Variants in CREM observed in about 807,000 individuals in gnomAD.
The protein encoded by CREM is cAMP responsive element modulator.
A neutral mutation model predicts 37.3 loss-of-function variants in CREM; 13 were observed. The ratio of observed to expected loss-of-function variants is 0.35; its 90% CI spans 0.23 to 0.55. CREM has a LOEUF of 0.55. Among genes scored for constraint, CREM ranks in the 20% least tolerant of loss-of-function variants. CREM has a pLI of 0.88. For synonymous variants in CREM, 124 were observed against 120.2 expected, an observed-to-expected ratio of 1.03 and a Z score of -0.21; for missense variants, 296 against 362.3, an observed-to-expected ratio of 0.82 and a Z score of 1.49.
chr10:35,209,313 C>T, intron 7 of CREM: 1 of 985,384 alleles, frequency 1.0e-6, no homozygotes, highest in Non-Finnish European at 1.2e-6. Context: ...TCTTTCCAGC[C>T]TTGTCAGAGT....
intron 2 of CREM, among the ~76,000 whole-genome samples, chr10:35,138,675 C>T (rs1343911594): frequency 2.0e-5 from 3 of 151,546 alleles, no homozygotes; most frequent in Non-Finnish European, 4.4e-5. Flanking sequence ...TACAGGGTGC[C>T]ACCATACCCG....
intron 3 of CREM, among the ~76,000 whole-genome samples, chr10:35,172,385 G>A (rs7919064): frequency 0.013 from 1,993 of 152,250 alleles, 51 homozygotes; most frequent in African/African-American, 0.046. Context: ...CATGAGGCTT[G>A]CTAGGTCAAA....
At position 35,211,799 on chromosome 10, in the gene CREM, A is replaced by G. The variant is rs955364253; in HGVS notation, c.*401A>G. The G allele has an allele frequency of 5.0e-6, 8 of 1,604,056 alleles. No individual in the cohort carries two copies. The highest frequency in any genetic ancestry group is 1.7e-5 in the Admixed American group (1 of 57,490). On this transcript the variant is annotated 3_prime_UTR_variant, in exon 8 of 8. Coordinates refer to ENST00000685392, the MANE Select transcript of CREM (RefSeq NM_183011.2). ...GACATTTGTTCTCCCAAAACAGATT[A>G]CTAGAAATATTTAACTATGAACTGA...
At chr10:35,186,970 ATATAT>A (rs2094593466) in intron 5 of CREM, among the ~76,000 whole-genome samples, 1 of 94,796 alleles carries the variant, frequency 1.1e-5, no homozygotes, top group African/African-American at 4.4e-5. Context: ...TATATAATTT[ATATAT>A]TATATGTGAT....
At chr10:35,138,794 A>G (rs1258522379) in intron 2 of CREM, among the ~76,000 whole-genome samples, 1 of 151,826 alleles carries the variant, frequency 6.6e-6, no homozygotes, top group Non-Finnish European at 1.5e-5. Context: ...AGGCCAAGGT[A>G]GGAGAATTGC....
intron 2 of CREM, among the ~76,000 whole-genome samples, chr10:35,142,949 C>A (rs1013486994): frequency 3.3e-5 from 5 of 151,888 alleles, no homozygotes; most frequent in African/African-American, 1.2e-4. Flanking sequence ...CAGTATTGTT[C>A]ATCTGCCTTG....
intron 3 of CREM, among the ~76,000 whole-genome samples, chr10:35,153,834 A>G (rs931511792): frequency 6.6e-5 from 10 of 152,184 alleles, no homozygotes; most frequent in Non-Finnish European, 1.5e-5. Flanking sequence ...CTGCCTCGAG[A>G]GAATTAGTTC....
At chr10:35,183,796 C>T (rs1254915534) in intron 5 of CREM, among the ~76,000 whole-genome samples, 3 of 152,142 alleles carry the variant, frequency 2.0e-5, no homozygotes, top group Admixed American at 6.5e-5. Context: ...TAACATGGGC[C>T]GGGCGTGATG....
chr10:35,197,259 CTT>C (rs1361630199), intron 6 of CREM, among the ~76,000 whole-genome samples: 1 of 151,960 alleles, frequency 6.6e-6, no homozygotes, highest in Non-Finnish European at 1.5e-5. Flanking sequence ...CCAATTTAAA[CTT>C]TTCAAAATGC....
intron 6 of CREM, among the ~76,000 whole-genome samples, chr10:35,190,628 G>GTAATAA (rs527368942): frequency 2.0e-5 from 3 of 151,882 alleles, no homozygotes; most frequent in South Asian, 4.2e-4. Context: ...AATAGTAGTA[G>GTAATAA]TAATAATAAT....
chr10:35,141,676 A>T (rs2091451047), intron 2 of CREM, among the ~76,000 whole-genome samples: 1 of 152,162 alleles, frequency 6.6e-6, no homozygotes, highest in Non-Finnish European at 1.5e-5. Flanking sequence ...GGATTTTGGA[A>T]TTGAGAAGAG....
intron 7 of CREM, among the ~76,000 whole-genome samples, chr10:35,207,347 T>G (rs899182740): frequency 2.2e-4 from 33 of 151,904 alleles, no homozygotes; most frequent in African/African-American, 8.0e-4. Context: ...TGAGCCAAGA[T>G]CGTGCCACTG....
chr10:35,174,719 G>T (rs935863800), intron 3 of CREM, among the ~76,000 whole-genome samples: 1 of 152,142 alleles, frequency 6.6e-6, no homozygotes, highest in Non-Finnish European at 1.5e-5. Flanking sequence ...GTAAAATGAG[G>T]CAAAGTTTCT....
chr10:35,160,899 TCATATCCTGTCC>T (rs138580855), intron 3 of CREM, among the ~76,000 whole-genome samples: 389 of 152,332 alleles, frequency 2.6e-3, no homozygotes, highest in African/African-American at 9.0e-3. Flanking sequence ...TCTTCCACCT[TCATATCCTGTCC>T]CATTGGAAGG....
chr10:35,139,445 T>G (rs1237419042), intron 2 of CREM, among the ~76,000 whole-genome samples: 1 of 152,188 alleles, frequency 6.6e-6, no homozygotes, highest in Non-Finnish European at 1.5e-5. Flanking sequence ...TTTTACCTGT[T>G]TTTTAGAATT....
chr10:35,190,762 C>T (rs1321836328), intron 6 of CREM, among the ~76,000 whole-genome samples: 4 of 152,138 alleles, frequency 2.6e-5, no homozygotes, highest in Middle Eastern at 3.4e-3. Flanking sequence ...CCCGGGTTCA[C>T]GCCATTCTTC....
intron 6 of CREM, chr10:35,196,249 G>C (rs2095163448): frequency 3.2e-6 from 2 of 615,604 alleles, no homozygotes; most frequent in Middle Eastern, 2.6e-4. Flanking sequence ...CTAGTGTTCA[G>C]TCAGGGAAGT....
chr10:35,204,746 A>C (rs1242880511), intron 6 of CREM, among the ~76,000 whole-genome samples: 1 of 152,216 alleles, frequency 6.6e-6, no homozygotes, highest in East Asian at 1.9e-4. Flanking sequence ...CCATGTTTTT[A>C]ACTGTTGTAT....
intron 3 of CREM, chr10:35,154,632 T>G (rs905806377): frequency 4.6e-5 from 7 of 152,222 alleles, no homozygotes; most frequent in African/African-American, 1.7e-4. Context: ...TGGTTCATAT[T>G]TTATCTGTTA....
Sources: gnomAD v4.1 joint callset for allele counts (sites outside exome capture counted in the v4.1 genomes callset) on GRCh38, gnomAD v4.1.1 for gene constraint, MANE v1.5 for transcripts, NCBI Gene and HGNC (gene_info 2026-07-23, HGNC 2026-07-21) for gene names.